Variants in RDH13 observed in about 807,000 individuals in gnomAD.
The protein encoded by RDH13 is retinol dehydrogenase 13.
Under a neutral mutation model 28.3 loss-of-function variants are expected in RDH13, and 35 were observed. That is an observed-to-expected ratio of 1.24 (90% CI 0.95 to 1.64). The LOEUF (loss-of-function observed/expected upper bound fraction) is 1.64. RDH13 is among the 40% of genes most tolerant of loss of function. The probability of loss-of-function intolerance (pLI) is 0.00; values close to 1 mark genes in which losing one functional copy is unlikely to be tolerated. For synonymous variants in RDH13, 229 were observed against 198.5 expected, an observed-to-expected ratio of 1.15 and a Z score of -1.29; for missense variants, 514 against 446.3, an observed-to-expected ratio of 1.15 and a Z score of -1.37.
At chr19:55,053,331 GC>G (rs2075519251) in intron 3 of RDH13, among the ~76,000 whole-genome samples, 1 of 150,638 alleles carries the variant, frequency 6.6e-6, no homozygotes, top group Non-Finnish European at 1.5e-5. Context: ...TACTTGATTT[GC>G]TAAAAAAGTC....
At chr19:55,062,921 G>A in intron 1 of RDH13, 47 bp downstream of exon 1, 2 of 1,393,126 alleles carry the variant, frequency 1.4e-6, no homozygotes, top group African/African-American at 3.0e-5. Context: ...CGGCCCCTGC[G>A]CTGGGGGCCC....
chr19:55,061,298 C>A lies in RDH13; in HGVS notation c.65+1670G>T, dbSNP rs548466962. On this transcript the variant is annotated intron_variant, in intron 1 of 6. Coordinates refer to ENST00000415061, the MANE Select transcript of RDH13 (RefSeq NM_001145971.2). ...ACATGCCACCACACCTGGCTAATTT[C>A]TTTTGTATTTTTAGTAGAGACAGAG... Among the ~76,000 whole-genome samples, 212 of 152,016 alleles carry A rather than the reference C, an allele frequency of 1.4e-3. 1 individual carries two copies. The highest frequency in any genetic ancestry group is 3.4e-3 in the Middle Eastern group (1 of 294).
intron 3 of RDH13, among the ~76,000 whole-genome samples, chr19:55,056,407 G>A (rs1406308389): frequency 2.0e-5 from 3 of 152,104 alleles, no homozygotes; most frequent in South Asian, 2.1e-4. Flanking sequence ...ACAGTGAGCC[G>A]AGATCGCGCC....
At chr19:55,062,831 C>G in intron 1 of RDH13, 137 bp downstream of exon 1, 1 of 731,058 alleles carries the variant, frequency 1.4e-6, no homozygotes, top group Non-Finnish European at 2.0e-6. Flanking sequence ...CAGGTTTGCC[C>G]CACTCCGGGC....
chr19:55,062,117 CA>C (rs34652854), intron 1 of RDH13, among the ~76,000 whole-genome samples: 50,889 of 147,348 alleles, frequency 0.35, 8,848 homozygotes, highest in African/African-American at 0.41. Context: ...AACTCTGTCT[CA>C]AAAAAAAAAA....
rs1264371572 is a variant in RDH13 at position 55,047,474 on chromosome 19, C to CAT, written c.672_673insAT (p.Val225MetfsTer96). On this transcript the variant is annotated frameshift_variant, in exon 6 of 7. Coordinates refer to ENST00000415061, the MANE Select transcript of RDH13 (RefSeq NM_001145971.2). LOFTEE classifies it high-confidence loss of function. ...GCCACGCCGGGGTGCAGGGCGTTGA[C>CAT]AGTCACACCAGAGCCTGGGGAAGAA... 1 of 1,607,514 alleles carries CAT rather than the reference C, an allele frequency of 6.2e-7. No homozygotes were observed. The highest frequency in any genetic ancestry group is 1.7e-5 in the Admixed American group (1 of 59,888).
chr19:55,059,515 T>C (rs1326951277), intron 1 of RDH13, among the ~76,000 whole-genome samples: 1 of 135,546 alleles, frequency 7.4e-6, no homozygotes, highest in East Asian at 2.2e-4. Context: ...GCTCACTGCA[T>C]GAGATTCCCG....
chr19:55,054,149 C>G (rs1421972224), intron 3 of RDH13, among the ~76,000 whole-genome samples: 2 of 152,204 alleles, frequency 1.3e-5, no homozygotes, highest in Non-Finnish European at 2.9e-5. Flanking sequence ...TCTCACACCT[C>G]CAGCACCTGG....
chr19:55,063,006 C>T lies in RDH13; in HGVS notation c.27G>A (p.Ser9=). 1 of 1,468,220 alleles carries T rather than the reference C, an allele frequency of 6.8e-7. No homozygotes were observed. Among genetic ancestry groups the T allele is most frequent in the Non-Finnish European group, 9.0e-7 (1 of 1,111,700 alleles). The allele number at this position is 1,468,220 out of a possible 1,614,324, so 90.9% of individuals were successfully genotyped here. A position where few individuals can be genotyped will look rare whatever the true frequency, so the allele number is the denominator to read the frequency against. ...CGGCGCCTGCTACCGTGCCCAGCGC[C>T]GACAGCGGCAGCAGGTAGCGGCTCA... MSRYLLPL[S]ALGTVAGAAV... is the part of the protein sequence containing the mutation. The change falls in exon 1 of 7, where the codon TCG becomes TCA. Residue 9 remains serine (S), a synonymous_variant. Coordinates refer to ENST00000415061, the MANE Select transcript of RDH13 (RefSeq NM_001145971.2).
chr19:55,057,018 A>G (rs1174273220), intron 2 of RDH13, among the ~76,000 whole-genome samples: 2 of 152,216 alleles, frequency 1.3e-5, no homozygotes, highest in Non-Finnish European at 2.9e-5. Context: ...ATGGAATATT[A>G]GACGGCCGTG....
Position 55,061,405 on chromosome 19 carries a change from A to G in RDH13, c.65+1563T>C, listed in dbSNP as rs553375271. On this transcript the variant is annotated intron_variant, in intron 1 of 6. Transcript: ENST00000415061. ...TGGCCTCCCAAAGTGCTGCGATTAC[A>G]GGCGTGAGCCACCACACCCAACAAC... 2.0e-5 allele frequency among the ~76,000 whole-genome samples: 3 copies of G among 151,966 alleles called. No homozygotes were observed. The South Asian group carries it at 6.3e-4, about 32-fold the overall frequency.
chr19:55,067,576 C>T (rs1255122201), upstream of RDH13: 1 of 152,128 alleles, frequency 6.6e-6, no homozygotes, highest in Non-Finnish European at 1.5e-5. Flanking sequence ...GAGCGCGGCT[C>T]CAATGCCATG....
chr19:55,048,454 A>C lies in RDH13; in HGVS notation c.533T>G (p.Val178Gly). The C allele has an allele frequency of 6.2e-7, 1 of 1,614,224 alleles. No homozygotes were observed. Among genetic ancestry groups the C allele is most frequent in the Non-Finnish European group, 8.5e-7 (1 of 1,180,040 alleles). ...RIINLSSLAH[V>G]AGHIDFDDLN... ...GTCGTCAAAGTCTATGTGCCCAGCA[A>C]CATGGGCCAGGGACGAGAGGTTGAT... The change falls in exon 5 of 7, where the codon GTT (valine) becomes GGT (glycine). Residue 178 changes from valine (V) to glycine (G), a missense_variant. Physicochemically the swap from Val to Gly is moderately radical, Grantham distance 109. Transcript: ENST00000415061.
At chr19:55,059,022 A>G in intron 2 of RDH13, 135 bp downstream of exon 2, 1 of 655,206 alleles carries the variant, frequency 1.5e-6, no homozygotes, top group Admixed American at 2.6e-5. Flanking sequence ...CCCTGTCTAT[A>G]GAAGCCACAT....
chr19:55,053,524 C>T (rs907291956), intron 3 of RDH13, among the ~76,000 whole-genome samples: 13 of 151,886 alleles, frequency 8.6e-5, no homozygotes, highest in East Asian at 3.9e-4. Flanking sequence ...GGCGTGGTGG[C>T]AGGCGCCTGT....
chr19:55,064,185 G>C (rs1568743066), upstream of RDH13: 1 of 152,252 alleles, frequency 6.6e-6, no homozygotes, highest in Admixed American at 6.6e-5. Flanking sequence ...CACTTTGGGA[G>C]GCCGAGACAG....
chr19:55,044,793 C>A lies in RDH13; in HGVS notation c.*281G>T, dbSNP rs767222531. ...CGTGGCCTGCAAGTGCACGGAGCCC[C>A]TTCCTCCTCGGCCATTCCCAGTTTA... On this transcript the variant is annotated 3_prime_UTR_variant, in exon 7 of 7. Coordinates refer to ENST00000415061, the MANE Select transcript of RDH13 (RefSeq NM_001145971.2). The A allele has an allele frequency of 9.5e-5, 43 of 453,232 alleles. No homozygotes were observed. Among genetic ancestry groups the A allele is most frequent in the Admixed American group, 3.3e-4 (8 of 24,516 alleles). The allele number at this position is 453,232 out of a possible 1,614,324, so 28.1% of individuals were successfully genotyped here.
At position 55,045,061 on chromosome 19, in the gene RDH13, TCTGCTCCAGAGGTTATCTGGGGAGGGG is replaced by T. The variant is rs2075161464; in HGVS notation, c.982_*12del. ...TGGAGGCGCCATCCTGGCTTTCAAA[TCTGCTCCAGAGGTTATCTGGGGAGGGG>T]CTGCTCCCTCACAGAGGGAGCCTCT... On this transcript the variant is annotated stop_lost and 3_prime_UTR_variant, in exon 7 of 7. Transcript: ENST00000415061. 2 of 1,555,478 alleles carry T rather than the reference TCTGCTCCAGAGGTTATCTGGGGAGGGG, an allele frequency of 1.3e-6. No homozygotes were observed. The highest frequency in any genetic ancestry group is 8.7e-7 in the Non-Finnish European group (1 of 1,146,900).
chr19:55,052,958 G>A (rs1239233466), intron 3 of RDH13, among the ~76,000 whole-genome samples: 2 of 152,084 alleles, frequency 1.3e-5, no homozygotes, highest in African/African-American at 2.4e-5. Flanking sequence ...CTGCACGCCT[G>A]CCTGATTGTT....
Sources: allele counts gnomAD v4.1 joint callset (sites outside exome capture counted in the v4.1 genomes callset), GRCh38; gene constraint gnomAD v4.1.1; transcripts MANE v1.5; gene names NCBI Gene and HGNC (gene_info 2026-07-23, HGNC 2026-07-21).